Variants in INPP5J observed in about 807,000 individuals in gnomAD.
The protein encoded by INPP5J is inositol polyphosphate-5-phosphatase J.
A neutral mutation model predicts 86.6 loss-of-function variants in INPP5J; 75 were observed. That is an observed-to-expected ratio of 0.87 (90% CI 0.72 to 1.05). The LOEUF is 1.05. Among genes scored for constraint, INPP5J ranks in the 50% least tolerant of loss-of-function variants. The pLI is 0.00. For missense variants in INPP5J, 1,229 were observed against 1,341.2 expected, an observed-to-expected ratio of 0.92 and a Z score of 1.31; for synonymous variants, 540 against 550.0, an observed-to-expected ratio of 0.98 and a Z score of 0.25.
chr22:31,134,607 C>A lies in INPP5J; in HGVS notation c.*188C>A, dbSNP rs1026712491. 1.0e-5 allele frequency: 5 copies of A among 490,368 alleles called. No homozygotes were observed. Among genetic ancestry groups the A allele is most frequent in the African/African-American group, 7.9e-5 (4 of 50,542 alleles). 30.4% of individuals were successfully genotyped at this position (490,368 alleles called of 1,614,324 possible). A position where few individuals can be genotyped will look rare whatever the true frequency, so the allele number is the denominator to read the frequency against. The stretch of plus-strand genomic sequence containing the variant: ...TCAACTGTGACAATCAGCAAAGCCC[C>A]ACCCAGGCCCCCATCTGGGATGATG... On this transcript the variant is annotated 3_prime_UTR_variant, in exon 13 of 13. Transcript: ENST00000331075.
At position 31,128,139 on chromosome 22, in the gene INPP5J, C is replaced by T; in HGVS notation, c.1900-75C>T. 8 of 1,428,594 alleles carry T rather than the reference C, an allele frequency of 5.6e-6. No individual in the cohort carries two copies. In the South Asian group the frequency reaches 9.6e-5, roughly 17 times the overall value. The allele number at this position is 1,428,594 out of a possible 1,614,324, so 88.5% of individuals were successfully genotyped here. On this transcript the variant is annotated intron_variant, in intron 7 of 12. Coordinates refer to ENST00000331075, the MANE Select transcript of INPP5J (RefSeq NM_001284285.2). The stretch of plus-strand genomic sequence containing the variant: ...TACCTTAGACTATGGTCCCTGTCCT[C>T]ACCTGCCCCACCCCCTCCCTGGGCA...
At position 31,127,900 on chromosome 22, in the gene INPP5J, T is replaced by C. The variant is rs16989341; in HGVS notation, c.1788-51T>C. Reference sequence around the variant, plus strand: ...TGAGCCCTTATCCTCCATGGACCTGTTGACACCCCCCACTGCCCCCCACAT... The same window carrying C: ...TGAGCCCTTATCCTCCATGGACCTGCTGACACCCCCCACTGCCCCCCACAT... On this transcript the variant is annotated intron_variant, in intron 6 of 12. Transcript: ENST00000331075. 5.3e-3 allele frequency: 5,762 copies of C among 1,082,198 alleles called. 165 individuals are homozygous for C. The African/African-American group carries it at 0.057, about 11-fold the overall frequency. The allele number at this position is 1,082,198 out of a possible 1,614,324, so 67.0% of individuals were successfully genotyped here. A position where few individuals can be genotyped will look rare whatever the true frequency, so the allele number is the denominator to read the frequency against.
Position 31,126,713 on chromosome 22 carries a change from T to A in INPP5J, c.1486T>A (p.Phe496Ile), listed in dbSNP as rs983869268. The A allele has an allele frequency of 5.0e-6, 8 of 1,612,924 alleles. No homozygotes were observed. The highest frequency in any genetic ancestry group is 6.8e-6 in the Non-Finnish European group (8 of 1,178,934). Residue 496 changes from phenylalanine (F) to isoleucine (I), a missense_variant, in exon 4 of 13, where the codon TTC becomes ATC. Physicochemically the swap from Phe to Ile is conservative, Grantham distance 21. Transcript: ENST00000331075. ...LFMDALGPFN[F>I]VLVSSVRMQG... ...CATGGATGCGCTAGGGCCCTTCAAC[T>A]TCGTGCTGGTAACGCACCCCTCACC...
chr22:31,128,927 C>CTTT (rs56761879), intron 9 of INPP5J, among the ~76,000 whole-genome samples: 56 of 80,018 alleles, frequency 7.0e-4, no homozygotes, highest in Non-Finnish European at 8.6e-4. Flanking sequence ...CATGCCTTTT[C>CTTT]TTTTTTTTTT....
In INPP5J at chr22:31,123,079, C is replaced by T. The variant is rs1470901495; in HGVS notation, c.65C>T (p.Pro22Leu). Residue 22 changes from proline (P) to leucine (L), a missense_variant, in exon 1 of 13, where the codon CCC (proline) becomes CTC (leucine). Pro to Leu is a moderately conservative substitution (Grantham distance 98). Coordinates refer to ENST00000331075, the MANE Select transcript of INPP5J (RefSeq NM_001284285.2). ...PGTRAGLGSLPMPQGVAQTGA... is the reference protein window; with the variant it reads ...PGTRAGLGSLLMPQGVAQTGA... ...ACCCGGGCTGGCCTGGGTTCCCTGC[C>T]CATGCCCCAGGGTGTTGCCCAAACT... 2.0e-6 allele frequency: 3 copies of T among 1,485,468 alleles called. No individual in the cohort carries two copies. Among genetic ancestry groups the T allele is most frequent in the Non-Finnish European group, 2.7e-6 (3 of 1,120,986 alleles). 92.0% of individuals were successfully genotyped at this position (1,485,468 alleles called of 1,614,324 possible).
At chr22:31,123,181 C>CG (rs1334446609) in intron 1 of INPP5J, 62 bp downstream of exon 1, 1 of 1,014,482 alleles carries the variant, frequency 9.9e-7, no homozygotes, top group African/African-American at 1.7e-5. Flanking sequence ...ACACCCCCCC[C>CG]ACATACACTG....
chr22:31,132,956 G>C, intron 9 of INPP5J, 142 bp from the exon 10 acceptor site: 1 of 1,098,586 alleles, frequency 9.1e-7, no homozygotes, highest in South Asian at 1.5e-5. Context: ...ATTTATACTA[G>C]ACCTGTTCTG....
At position 31,128,601 on chromosome 22, in the gene INPP5J, A is replaced by G. The variant is rs769557889; in HGVS notation, c.2140A>G (p.Met714Val). 1.2e-6 allele frequency: 2 copies of G among 1,612,310 alleles called. No individual in the cohort carries two copies. The highest frequency in any genetic ancestry group is 1.7e-5 in the Admixed American group (1 of 59,802). ...GACGCAGCACAGCTACCGCAGCCAC[A>G]TGGAATACACAGTCAGCGACCACAA... ...QVTQHSYRSH[M>V]EYTVSDHKPV... The change falls in exon 9 of 13, where the codon ATG (methionine) becomes GTG (valine). Residue 714 changes from methionine to valine, a missense_variant. Met to Val is a conservative substitution (Grantham distance 21). Transcript: ENST00000331075.
Position 31,122,977 on chromosome 22 carries a change from C to T in INPP5J, c.-38C>T, listed in dbSNP as rs976752282. ...TTCCCGGGAGCGGTAGAGCTGGAGC[C>T]GGAGCCAAGGGAGTCCAGGCTGCCG... On this transcript the variant is annotated 5_prime_UTR_variant, in exon 1 of 13. Coordinates refer to ENST00000331075, the MANE Select transcript of INPP5J (RefSeq NM_001284285.2). 13 of 1,324,870 alleles carry T rather than the reference C, an allele frequency of 9.8e-6. No homozygotes were observed. In the Admixed American group the frequency reaches 1.2e-4, roughly 12 times the overall value. 82.1% of individuals were successfully genotyped at this position (1,324,870 alleles called of 1,614,324 possible).
At chr22:31,124,722 G>A in intron 1 of INPP5J, 123 bp from the exon 2 acceptor site, 7 of 831,310 alleles carry the variant, frequency 8.4e-6, no homozygotes, top group South Asian at 5.5e-5. Flanking sequence ...GAGATAGTAG[G>A]AAGAACTTCC....
intron 9 of INPP5J, among the ~76,000 whole-genome samples, chr22:31,130,746 A>G (rs546055646): frequency 6.6e-6 from 1 of 152,334 alleles, no homozygotes; most frequent in Admixed American, 6.5e-5. Flanking sequence ...GATATAAAAA[A>G]TACAAAGCTG....
At chr22:31,127,666 C>A in intron 6 of INPP5J, 134 bp downstream of exon 6, 1 of 951,294 alleles carries the variant, frequency 1.1e-6, no homozygotes. Context: ...GTTGTAGGAA[C>A]ACGAAAGCAG....
chr22:31,126,454 T>G lies in INPP5J; in HGVS notation c.1350T>G (p.Gly450=), dbSNP rs1201214305. The change falls in exon 3 of 13, where the codon GGT becomes GGG. Residue 450 remains glycine (G), a synonymous_variant. Coordinates refer to ENST00000331075, the MANE Select transcript of INPP5J (RefSeq NM_001284285.2). ...CATCCCTCCTCCACCTGGGCGGTGGTGACGACAGCGACGGCGCAGACATGA... is the reference window on the plus strand; with the variant it reads ...CATCCCTCCTCCACCTGGGCGGTGGGGACGACAGCGACGGCGCAGACATGA... The part of the protein sequence containing the change: ...DVTSLLHLGG[G]DDSDGADMIA... The G allele has an allele frequency of 5.0e-6, 8 of 1,613,558 alleles. No individual in the cohort carries two copies. The highest frequency in any genetic ancestry group is 6.8e-6 in the Non-Finnish European group (8 of 1,179,808).
Position 31,125,251 on chromosome 22 carries a change from C to T in INPP5J, c.512C>T (p.Pro171Leu), listed in dbSNP as rs1222473559. The change falls in exon 2 of 13, where the codon CCT (proline) becomes CTT (leucine). Residue 171 changes from proline (P) to leucine (L), a missense_variant. Coordinates refer to ENST00000331075, the MANE Select transcript of INPP5J (RefSeq NM_001284285.2). ...PTSRDQKQEP[P>L]ASVGPKPTLA... ...TCCAGAGACCAGAAGCAGGAGCCAC[C>T]TGCCTCCGTGGGACCCAAGCCAACA... The T allele has an allele frequency of 4.5e-6, 7 of 1,550,420 alleles. No individual in the cohort carries two copies. Among genetic ancestry groups the T allele is most frequent in the South Asian group, 2.4e-5 (2 of 84,070 alleles).
In INPP5J at chr22:31,126,490, G is replaced by A. The variant is rs1211417166; in HGVS notation, c.1385+1G>A. The A allele has an allele frequency of 6.2e-7, 1 of 1,613,210 alleles. No homozygotes were observed. The highest frequency in any genetic ancestry group is 8.5e-7 in the Non-Finnish European group (1 of 1,179,464). On this transcript the variant is annotated splice_donor_variant, in intron 3 of 12. Coordinates refer to ENST00000331075, the MANE Select transcript of INPP5J (RefSeq NM_001284285.2). LOFTEE classifies it high-confidence loss of function. ...ACGGCGCAGACATGATCGCCATAGGGTGAGGTGGCAGGGCATGTGGACCCC... is the reference window on the plus strand; with the variant it reads ...ACGGCGCAGACATGATCGCCATAGGATGAGGTGGCAGGGCATGTGGACCCC...
At chr22:31,127,630 A>G (rs1044637318) in intron 6 of INPP5J, 98 bp downstream of exon 6, 35 of 1,279,788 alleles carry the variant, frequency 2.7e-5, no homozygotes, top group South Asian at 1.4e-4. Flanking sequence ...GGCAGGGCCT[A>G]TGGGGTTTAG....
chr22:31,129,705 G>A (rs765224453), intron 9 of INPP5J, among the ~76,000 whole-genome samples: 15 of 150,904 alleles, frequency 9.9e-5, no homozygotes, highest in Non-Finnish European at 1.8e-4. Flanking sequence ...CACCACGCCT[G>A]GCTAATTTTT....
At chr22:31,128,425 C>T in intron 8 of INPP5J, 46 bp from the exon 9 acceptor site, 1 of 1,604,116 alleles carries the variant, frequency 6.2e-7, no homozygotes, top group Non-Finnish European at 8.5e-7. Context: ...AGGGTTACAT[C>T]TTGATCCCCA....
At position 31,126,931 on chromosome 22, in the gene INPP5J, T is replaced by C; in HGVS notation, c.1505T>C (p.Val502Ala). The C allele has an allele frequency of 6.2e-7, 1 of 1,608,446 alleles. No individual in the cohort carries two copies. The highest frequency in any genetic ancestry group is 1.1e-5 in the South Asian group (1 of 90,298). ...GPFNFVLVSS[V>A]RMQGVILLLF... is the part of the protein sequence containing the mutation. ...GGCCTCCCGCTGCAGGTGAGTTCGG[T>C]GAGGATGCAGGGTGTCATCCTGCTG... The change falls in exon 5 of 13, where the codon GTG becomes GCG. Residue 502 changes from valine (V) to alanine (A), a missense_variant. Transcript: ENST00000331075.
Sources: allele counts gnomAD v4.1 joint callset (sites outside exome capture counted in the v4.1 genomes callset), GRCh38; gene constraint gnomAD v4.1.1; transcripts MANE v1.5; gene names NCBI Gene and HGNC (gene_info 2026-07-23, HGNC 2026-07-21).